The following C15orf40 variants were observed in gnomAD, a reference collection of about 807,000 sequenced individuals.
C15orf40 encodes the protein UPF0235 protein C15orf40.
In C15orf40, 9 loss-of-function variants were observed where a neutral mutation model predicts 13.9. The observed-to-expected ratio is 0.65, with a 90% confidence interval of 0.39 to 1.13. The LOEUF (loss-of-function observed/expected upper bound fraction) is 1.13, where lower values mean the gene tolerates loss of function less well. Ranked by LOEUF, C15orf40 falls within the 50% of genes most tolerant of loss-of-function variation. The probability of loss-of-function intolerance (pLI) is 0.01; values close to 1 mark genes in which losing one functional copy is unlikely to be tolerated. For missense variants in C15orf40, 225 were observed against 188.5 expected (o/e 1.19, Z -1.13); for synonymous variants, 95 against 69.2 (o/e 1.37, Z -1.85).
rs1320727237 is a variant in C15orf40, at chr15:82,997,043, T to TAA, written c.*8553_*8554insTT. 34 of 146,470 alleles carry TAA rather than the reference T, an allele frequency of 2.3e-4. No individual in the cohort carries two copies. Among genetic ancestry groups the TAA allele is most frequent in the African/African-American group, 8.5e-4 (34 of 40,228 alleles). 9.1% of individuals were successfully genotyped at this position (146,470 alleles called of 1,614,324 possible). On this transcript the variant is annotated 3_prime_UTR_variant, in exon 4 of 4. Transcript: ENST00000304177. ...CAAATAATAATAATAATAATAATAA[T>TAA]TATTATTATTATTTTTAACTGACTT...
rs1027914573 is a variant in C15orf40 at position 83,001,641 on chromosome 15, C to A, written c.*3956G>T. On this transcript the variant is annotated 3_prime_UTR_variant, in exon 4 of 4. Coordinates refer to ENST00000304177, the MANE Select transcript of C15orf40 (RefSeq NM_144597.3). The stretch of plus-strand genomic sequence containing the variant: ...ATTTTGTGTCTTGGGCACTAGGTCA[C>A]TGGGTCTACTTCAGTATTTACAGGG... The A allele has an allele frequency of 1.3e-5, 2 of 152,210 alleles. No individual in the cohort carries two copies. Among genetic ancestry groups the A allele is most frequent in the East Asian group, 3.8e-4 (2 of 5,196 alleles). 9.4% of individuals were successfully genotyped at this position (152,210 alleles called of 1,614,324 possible). A position where few individuals can be genotyped will look rare whatever the true frequency, so the allele number is the denominator to read the frequency against.
Position 83,000,084 on chromosome 15 carries a change from AC to A in C15orf40, c.*5512del, listed in dbSNP as rs1425666217. On this transcript the variant is annotated 3_prime_UTR_variant, in exon 4 of 4. Transcript: ENST00000304177. ...AGCTATAGATGGTCATAGCTCCCTT[AC>A]CCTGGCCCCTAATTTCCCTGGCTCT... 6.6e-6 allele frequency: 1 copy of A among 152,142 alleles called. No homozygotes were observed. The highest frequency in any genetic ancestry group is 1.5e-5 in the Non-Finnish European group (1 of 68,034). The allele number at this position is 152,142 out of a possible 1,614,324, so 9.4% of individuals were successfully genotyped here.
At chr15:82,992,063 A>T, downstream of C15orf40, 1 of 493,038 alleles carries the variant, frequency 2.0e-6, no homozygotes, top group Non-Finnish European at 3.6e-6. Flanking sequence ...AGAAAATTTT[A>T]AAATTAGCTG....
chr15:83,008,514 G>C, intron 3 of C15orf40, 34 bp downstream of exon 3: 1 of 1,583,386 alleles, frequency 6.3e-7, no homozygotes, highest in East Asian at 2.3e-5. Context: ...GCAAGATTTT[G>C]TCTCAAAAAA....
chr15:82,993,557 A>G (rs1450976158), downstream of C15orf40, among the ~76,000 whole-genome samples: 9 of 152,214 alleles, frequency 5.9e-5, no homozygotes, highest in Admixed American at 5.9e-4. Flanking sequence ...TCATGCTAGT[A>G]ATCTCAGCAC....
In C15orf40 at chr15:83,005,168, T is replaced by C; in HGVS notation, c.*429A>G. 4 of 1,057,036 alleles carry C rather than the reference T, an allele frequency of 3.8e-6. No homozygotes were observed. The highest frequency in any genetic ancestry group is 4.0e-4 in the Middle Eastern group (1 of 2,496). 65.5% of individuals were successfully genotyped at this position (1,057,036 alleles called of 1,614,324 possible). The stretch of plus-strand genomic sequence containing the variant: ...TAAATTTCTACTTTTTGGAGTCTTA[T>C]TCGAATATATACATATATATATGTC... On this transcript the variant is annotated 3_prime_UTR_variant, in exon 4 of 4. Transcript: ENST00000304177.
In C15orf40 at chr15:83,004,283, G is replaced by C. The variant is rs2031557933; in HGVS notation, c.*1314C>G. ...GAGCCACCAAGCCCAGCTACCATCA[G>C]CAATTTTTATTATTGTTCTTCCTTG... On this transcript the variant is annotated 3_prime_UTR_variant, in exon 4 of 4. Coordinates refer to ENST00000304177, the MANE Select transcript of C15orf40 (RefSeq NM_144597.3). 2 of 981,658 alleles carry C rather than the reference G, an allele frequency of 2.0e-6. No individual in the cohort carries two copies. The highest frequency in any genetic ancestry group is 6.1e-5 in the Admixed American group (1 of 16,262). The allele number at this position is 981,658 out of a possible 1,614,324, so 60.8% of individuals were successfully genotyped here. A position where few individuals can be genotyped will look rare whatever the true frequency, so the allele number is the denominator to read the frequency against.
chr15:83,007,282 T>A (rs1028522361), intron 3 of C15orf40, among the ~76,000 whole-genome samples: 7 of 152,106 alleles, frequency 4.6e-5, no homozygotes, highest in Non-Finnish European at 8.8e-5. Context: ...TGACTAACAA[T>A]AGGAATTGCT....
At position 83,003,080 on chromosome 15, in the gene C15orf40, A is replaced by C. The variant is rs2031486612; in HGVS notation, c.*2517T>G. 1 of 149,918 alleles carries C rather than the reference A, an allele frequency of 6.7e-6. No homozygotes were observed. The highest frequency in any genetic ancestry group is 1.5e-5 in the Non-Finnish European group (1 of 67,878). 9.3% of individuals were successfully genotyped at this position (149,918 alleles called of 1,614,324 possible). A position where few individuals can be genotyped will look rare whatever the true frequency, so the allele number is the denominator to read the frequency against. On this transcript the variant is annotated 3_prime_UTR_variant, in exon 4 of 4. Coordinates refer to ENST00000304177, the MANE Select transcript of C15orf40 (RefSeq NM_144597.3). The stretch of plus-strand genomic sequence containing the variant: ...CTGCCTCGGCCTCCCAAAGCGCTGG[A>C]ATTACAGGCGTAAGCCAACACGCCT...
rs2031353124 is a variant in C15orf40, at chr15:83,000,104, TG to T, written c.*5492del. ...CCCTTACCCTGGCCCCTAATTTCCCTGGCTCTGATTCCAGGCTCTCCAAGCA... is the reference window on the plus strand; with the variant it reads ...CCCTTACCCTGGCCCCTAATTTCCCTGCTCTGATTCCAGGCTCTCCAAGCA... On this transcript the variant is annotated 3_prime_UTR_variant, in exon 4 of 4. Coordinates refer to ENST00000304177, the MANE Select transcript of C15orf40 (RefSeq NM_144597.3). 6.6e-6 allele frequency: 1 copy of T among 152,270 alleles called. No individual in the cohort carries two copies. Among genetic ancestry groups the T allele is most frequent in the Non-Finnish European group, 1.5e-5 (1 of 68,086 alleles). 9.4% of individuals were successfully genotyped at this position (152,270 alleles called of 1,614,324 possible).
chr15:83,007,566 T>C (rs577467132), intron 3 of C15orf40, among the ~76,000 whole-genome samples: 2 of 152,216 alleles, frequency 1.3e-5, no homozygotes, highest in East Asian at 3.9e-4. Flanking sequence ...CAAAGAAAAA[T>C]CAGTATTTTA....
intron 2 of C15orf40, among the ~76,000 whole-genome samples, chr15:83,009,872 G>A (rs892298952): frequency 2.6e-5 from 4 of 152,130 alleles, no homozygotes; most frequent in South Asian, 2.1e-4. Context: ...CTCTCCTTAG[G>A]CCAGTGATCA....
In C15orf40 at chr15:83,005,556, T is replaced by C; in HGVS notation, c.*41A>G. 6.5e-7 allele frequency: 1 copy of C among 1,549,976 alleles called. No individual in the cohort carries two copies. The highest frequency in any genetic ancestry group is 8.7e-7 in the Non-Finnish European group (1 of 1,144,044). On this transcript the variant is annotated 3_prime_UTR_variant, in exon 4 of 4. Coordinates refer to ENST00000304177, the MANE Select transcript of C15orf40 (RefSeq NM_144597.3). Reference sequence around the variant, plus strand: ...ACCACGGCCTCCCAAAGTGCTGGGATTACAGGCATGAGCCACTGCGCCCGG... The same window carrying C: ...ACCACGGCCTCCCAAAGTGCTGGGACTACAGGCATGAGCCACTGCGCCCGG...
rs1416735879 is a variant in C15orf40 at position 82,998,794 on chromosome 15, CG to C, written c.*6802del. 1.4e-5 allele frequency: 1 copy of C among 71,074 alleles called. No homozygotes were observed. The highest frequency in any genetic ancestry group is 2.6e-5 in the Non-Finnish European group (1 of 38,274). The allele number at this position is 71,074 out of a possible 1,614,324, so 4.4% of individuals were successfully genotyped here. A position where few individuals can be genotyped will look rare whatever the true frequency, so the allele number is the denominator to read the frequency against. On this transcript the variant is annotated 3_prime_UTR_variant, in exon 4 of 4. Transcript: ENST00000304177. ...GGCGGCCGGGCAGAGGCTGCAATCT[CG>C]GCACTTTGGGAGGCCAAGGCAGGCG...
chr15:83,005,141 T>C lies in C15orf40; in HGVS notation c.*456A>G. On this transcript the variant is annotated 3_prime_UTR_variant, in exon 4 of 4. Coordinates refer to ENST00000304177, the MANE Select transcript of C15orf40 (RefSeq NM_144597.3). ...GAACCTGATGCAATGTATAGCACTT[T>C]TTAAATTTCTACTTTTTGGAGTCTT... The C allele has an allele frequency of 2.8e-6, 3 of 1,065,124 alleles. No homozygotes were observed. The highest frequency in any genetic ancestry group is 3.4e-6 in the Non-Finnish European group (3 of 871,256). 66.0% of individuals were successfully genotyped at this position (1,065,124 alleles called of 1,614,324 possible).
At chr15:83,007,553 A>C (rs188927129) in intron 3 of C15orf40, among the ~76,000 whole-genome samples, 4 of 152,230 alleles carry the variant, frequency 2.6e-5, no homozygotes, top group African/African-American at 4.8e-5. Flanking sequence ...TATTTGAAAA[A>C]GACAAAGAAA....
rs185387131 is a variant in C15orf40, at chr15:83,001,976, C to G, written c.*3621G>C. ...AGGCTGGAGTGCAGTGGTGTGATCC[C>G]GGCTCACTGCAGCTTCTGATTCCCG... On this transcript the variant is annotated 3_prime_UTR_variant, in exon 4 of 4. Transcript: ENST00000304177. 6.6e-6 allele frequency: 1 copy of G among 152,258 alleles called. No individual in the cohort carries two copies. The highest frequency in any genetic ancestry group is 1.5e-5 in the Non-Finnish European group (1 of 68,154). The allele number at this position is 152,258 out of a possible 1,614,324, so 9.4% of individuals were successfully genotyped here.
intron 2 of C15orf40, among the ~76,000 whole-genome samples, chr15:83,009,733 C>T (rs1221589332): frequency 1.3e-5 from 2 of 152,164 alleles, no homozygotes; most frequent in Non-Finnish European, 2.9e-5. Context: ...AGCCTGAAAG[C>T]CTCTAACTTA....
At chr15:82,992,131 C>T (rs1211509080), downstream of C15orf40, 1 of 370,236 alleles carries the variant, frequency 2.7e-6, no homozygotes, top group Non-Finnish European at 5.3e-6. Context: ...CAGGAGGCTC[C>T]CTTGAGTCCG....
Sources: gnomAD v4.1 joint callset for allele counts (sites outside exome capture counted in the v4.1 genomes callset) on GRCh38, gnomAD v4.1.1 for gene constraint, MANE v1.5 for transcripts, NCBI Gene and HGNC (gene_info 2026-07-23, HGNC 2026-07-21) for gene names.